Variants in PDE10A observed in about 807,000 individuals in gnomAD.
The protein encoded by PDE10A is phosphodiesterase 10A.
PDE10A carries 39 observed loss-of-function variants against 97.7 expected under a neutral mutation model. That is an observed-to-expected ratio of 0.40 (90% confidence interval 0.31 to 0.52). PDE10A has a LOEUF of 0.52. Ranked by LOEUF, PDE10A falls within the 20% of genes least tolerant of loss-of-function variation. The pLI, the probability that PDE10A is intolerant of heterozygous loss-of-function variation, is 0.56. For missense variants in PDE10A, 731 were observed against 1,047.8 expected (o/e 0.70, Z 4.17); for synonymous variants, 371 against 376.8 (o/e 0.98, Z 0.18).
intron 1 of PDE10A, among the ~76,000 whole-genome samples, chr6:165,749,107 G>T (rs929014954): frequency 6.0e-5 from 7 of 116,240 alleles, no homozygotes; most frequent in African/African-American, 2.2e-4. Flanking sequence ...AGTTAATCAC[G>T]TAAGGAGAGA....
intron 1 of PDE10A, among the ~76,000 whole-genome samples, chr6:165,712,631 CTTTTTTTTTTTTT>C (rs71675206): frequency 5.6e-5 from 5 of 88,974 alleles, no homozygotes; most frequent in African/African-American, 2.2e-4. Flanking sequence ...AACTTTCTTT[CTTTTTTTTTTTTT>C]TTTTTTTTTT....
chr6:165,957,937 C>G (rs1009560858), intron 1 of PDE10A, among the ~76,000 whole-genome samples: 6 of 152,218 alleles, frequency 3.9e-5, no homozygotes, highest in Non-Finnish European at 7.3e-5. Flanking sequence ...AATTCCACAC[C>G]TCTCAGGGCT....
chr6:165,348,733 A>G (rs1041596857), intron 18 of PDE10A, among the ~76,000 whole-genome samples: 3 of 151,868 alleles, frequency 2.0e-5, no homozygotes, highest in African/African-American at 7.3e-5. Flanking sequence ...TAATCTCCAC[A>G]TGTTGTGGGA....
chr6:165,427,987 G>C (rs552709680), intron 10 of PDE10A, among the ~76,000 whole-genome samples: 1 of 151,862 alleles, frequency 6.6e-6, no homozygotes, highest in African/African-American at 2.4e-5. Flanking sequence ...CTTCATATTT[G>C]TCTTTTACTA....
exon 1 of PDE10A, chr6:165,987,840 C>A: frequency 4.9e-6 from 2 of 408,170 alleles, no homozygotes; most frequent in Non-Finnish European, 4.9e-6. Flanking sequence ...TCCTTTCCAT[C>A]TGGGGGTCTC....
intron 1 of PDE10A, among the ~76,000 whole-genome samples, chr6:165,888,846 A>G (rs1448245813): frequency 6.6e-6 from 1 of 152,220 alleles, no homozygotes. Context: ...TATTTGAAAG[A>G]CATCAGTTTT....
At position 165,393,420 on chromosome 6, in the gene PDE10A, T is replaced by C. The variant is rs993170113; in HGVS notation, c.2304-624A>G. 9.2e-4 allele frequency among the ~76,000 whole-genome samples: 140 copies of C among 151,648 alleles called. 1 individual carries two copies. Among genetic ancestry groups the C allele is most frequent in the African/African-American group, 3.3e-3 (138 of 41,390 alleles). On this transcript the variant is annotated intron_variant, in intron 15 of 21. Coordinates refer to ENST00000539869, the MANE Select transcript of PDE10A (RefSeq NM_001385079.1). ...TTTTTATATTTTTTATATTATGTAC[T>C]TATTTAAGACCCTACAAACTCTCAA...
intron 18 of PDE10A, among the ~76,000 whole-genome samples, chr6:165,376,075 T>C (rs9459403): frequency 0.079 from 12,050 of 152,294 alleles, 536 homozygotes; most frequent in Middle Eastern, 0.2. Context: ...TGTAACTTTG[T>C]CCTTCAAGTC....
rs184449526 is a variant in PDE10A, at chr6:165,852,008, A to G, written c.-615+135521T>C. Among the ~76,000 whole-genome samples, 287 of 152,376 alleles carry G rather than the reference A, an allele frequency of 1.9e-3. 1 individual carries two copies. Among genetic ancestry groups the G allele is most frequent in the African/African-American group, 6.7e-3 (279 of 41,592 alleles). On this transcript the variant is annotated intron_variant, in intron 1 of 19. Transcript: ENST00000366882. ...ATTCATATTAATAAGAGGAATAATA[A>G]CATCTGCAATATTTCCCCAAGAATC...
chr6:165,386,028 C>A (rs1785277626), intron 17 of PDE10A, among the ~76,000 whole-genome samples: 1 of 152,132 alleles, frequency 6.6e-6, no homozygotes, highest in Non-Finnish European at 1.5e-5. Flanking sequence ...TGAACCTATT[C>A]TCCCATGCCT....
intron 1 of PDE10A, among the ~76,000 whole-genome samples, chr6:165,808,894 G>A (rs952417268): frequency 1.8e-4 from 28 of 152,204 alleles, no homozygotes; most frequent in African/African-American, 6.8e-4. Flanking sequence ...TGAAGTAAAA[G>A]AGATCTTTCC....
chr6:165,622,026 C>G (rs758834007), intron 1 of PDE10A, among the ~76,000 whole-genome samples: 4 of 152,202 alleles, frequency 2.6e-5, no homozygotes, highest in Non-Finnish European at 5.9e-5. Flanking sequence ...TATAATGTGT[C>G]ATCCAATCAG....
intron 2 of PDE10A, among the ~76,000 whole-genome samples, chr6:165,542,149 T>C (rs1783479450): frequency 6.6e-6 from 1 of 152,208 alleles, no homozygotes. Flanking sequence ...AACCTCCTAG[T>C]TCTGTACATG....
chr6:165,863,463 T>C (rs568737966), intron 1 of PDE10A, among the ~76,000 whole-genome samples: 11 of 152,286 alleles, frequency 7.2e-5, no homozygotes, highest in African/African-American at 2.6e-4. Context: ...TAACTGCATA[T>C]AACTACCTTT....
chr6:165,979,687 C>G (rs1291039375), intron 1 of PDE10A, among the ~76,000 whole-genome samples: 1 of 152,184 alleles, frequency 6.6e-6, no homozygotes, highest in Non-Finnish European at 1.5e-5. Flanking sequence ...TCAACTCCCA[C>G]ACGGTGGAAA....
rs1789868013 is a variant in PDE10A, at chr6:165,655,035, C to G, written c.865+6912G>C. 6.6e-6 allele frequency among the ~76,000 whole-genome samples: 1 copy of G among 152,214 alleles called. No homozygotes were observed. Among genetic ancestry groups the G allele is most frequent in the Admixed American group, 6.5e-5 (1 of 15,288 alleles). ...AACGACTACCTTGGTGTTGCAGAGT[C>G]CAAATCTCTCTTTCTACTCCGGCTC... On this transcript the variant is annotated intron_variant, in intron 1 of 21. Transcript: ENST00000539869. The surrounding 1 kb of genome is among the most constrained non-coding windows in gnomAD (Gnocchi z 4.5).
intron 1 of PDE10A, chr6:165,894,653 G>A (rs140379482): frequency 5.4e-5 from 22 of 403,854 alleles, no homozygotes; most frequent in African/African-American, 4.1e-4. Context: ...ACCGAGCATG[G>A]GGCTGGCCAC....
intron 1 of PDE10A, among the ~76,000 whole-genome samples, chr6:165,563,202 G>A (rs1481194090): frequency 3.6e-5 from 5 of 138,944 alleles, no homozygotes; most frequent in African/African-American, 1.3e-4. Context: ...AGAGGCAAGG[G>A]AGGGGGGAAA....
At chr6:165,801,512 T>C (rs1484170623) in intron 1 of PDE10A, among the ~76,000 whole-genome samples, 1 of 152,156 alleles carries the variant, frequency 6.6e-6, no homozygotes, top group Admixed American at 6.5e-5. Flanking sequence ...GCCACTGCAC[T>C]CCAGCCTGGG....
Sources: allele counts gnomAD v4.1 joint callset (sites outside exome capture counted in the v4.1 genomes callset), GRCh38; gene constraint gnomAD v4.1.1; non-coding constraint Gnocchi (gnomAD v3.1); transcripts MANE v1.5; gene names NCBI Gene and HGNC (gene_info 2026-07-23, HGNC 2026-07-21).